The following MBP variants were observed in gnomAD, a reference collection of about 807,000 sequenced individuals.
MBP encodes the protein myelin basic protein, also known as Golli-MBP.
MBP carries 16 observed loss-of-function variants against 35.8 expected under a neutral mutation model. That is an observed-to-expected ratio of 0.45 (90% CI 0.30 to 0.68). The LOEUF (loss-of-function observed/expected upper bound fraction) is 0.68, where lower values mean the gene tolerates loss of function less well. Among genes scored for constraint, MBP ranks in the 30% least tolerant of loss-of-function variants. The probability of loss-of-function intolerance (pLI) is 0.08; values close to 1 mark genes in which losing one functional copy is unlikely to be tolerated. For synonymous variants in MBP, 143 were observed against 159.6 expected (o/e 0.90, Z 0.78); for missense variants, 380 against 404.7 (o/e 0.94, Z 0.52).
In MBP at chr18:77,116,676, C is replaced by T. The variant is rs535286479; in HGVS notation, c.-25-11390G>A. The stretch of plus-strand genomic sequence containing the variant: ...TAATGCGTGACCAGCCTGGCCAACA[C>T]GGCGAAACCCCGTCTCTGCTAAAAA... On this transcript the variant is annotated intron_variant, in intron 1 of 8. Transcript: ENST00000355994. Among the ~76,000 whole-genome samples the T allele has an allele frequency of 4.6e-5, 7 of 152,118 alleles. No homozygotes were observed. The South Asian group carries it at 6.2e-4, about 14-fold the overall frequency.
At chr18:77,054,019 G>A (rs1301747858) in intron 3 of MBP, among the ~76,000 whole-genome samples, 1 of 152,188 alleles carries the variant, frequency 6.6e-6, no homozygotes, top group Non-Finnish European at 1.5e-5. Flanking sequence ...GATGCTTCTG[G>A]CCATCAGAAC....
At chr18:77,003,762 T>G (rs1970760422) in intron 4 of MBP, 1 of 152,226 alleles carries the variant, frequency 6.6e-6, no homozygotes, top group Non-Finnish European at 1.5e-5. Context: ...CTTTTGTGGC[T>G]CACAGAGATC....
At chr18:77,077,798 A>C (rs1201216698) in intron 2 of MBP, among the ~76,000 whole-genome samples, 1 of 152,228 alleles carries the variant, frequency 6.6e-6, no homozygotes, top group South Asian at 2.1e-4. Context: ...CAAAACTAAC[A>C]ATTTTCTTTG....
intron 4 of MBP, chr18:77,016,524 G>A (rs1347629974): frequency 1.6e-6 from 2 of 1,231,134 alleles, no homozygotes. Context: ...TGAGAATGTG[G>A]CTCTCTTTCT....
chr18:77,119,841 G>T (rs1279746174), intron 1 of MBP, among the ~76,000 whole-genome samples: 1 of 152,204 alleles, frequency 6.6e-6, no homozygotes, highest in Non-Finnish European at 1.5e-5. Flanking sequence ...CAAGGTGGTC[G>T]TGGCTGTGGA....
chr18:77,000,195 T>C (rs1301945678), intron 4 of MBP, among the ~76,000 whole-genome samples: 1 of 152,210 alleles, frequency 6.6e-6, no homozygotes, highest in Non-Finnish European at 1.5e-5. Context: ...CATATGAAGA[T>C]ATCCCATGAA....
chr18:77,128,758 C>A (rs1023513039), intron 1 of MBP, among the ~76,000 whole-genome samples: 4 of 152,150 alleles, frequency 2.6e-5, no homozygotes, highest in Non-Finnish European at 4.4e-5. Flanking sequence ...CAGTGAATAT[C>A]CACTGTGTGT....
At chr18:76,985,941 G>A in intron 7 of MBP, 1 of 985,964 alleles carries the variant, frequency 1.0e-6, no homozygotes. Context: ...GTGACCGCAG[G>A]GGCTTCCTGA....
intron 3 of MBP, among the ~76,000 whole-genome samples, chr18:77,021,883 C>CT (rs896178394): frequency 6.6e-5 from 10 of 152,044 alleles, no homozygotes; most frequent in Non-Finnish European, 5.9e-5. Flanking sequence ...AGCGGGTGGC[C>CT]TTTTTTGAAT....
Position 77,020,749 on chromosome 18 carries a change from C to T in MBP, c.140-3481G>A, listed in dbSNP as rs1568296681. 1.3e-5 allele frequency among the ~76,000 whole-genome samples: 2 copies of T among 152,312 alleles called. No homozygotes were observed. The highest frequency in any genetic ancestry group is 1.9e-4 in the East Asian group (1 of 5,180). ...GACCATGTGGTGCTCACAGCTGTTC[C>T]GGCACAGCGAACCACCCTCCCGGTT... is the stretch of plus-strand genomic sequence containing the variant. On this transcript the variant is annotated intron_variant, in intron 3 of 8. Coordinates refer to ENST00000355994, the MANE Select transcript of MBP (RefSeq NM_001025101.2). This position sits in a 1 kb window ranked among gnomAD's most constrained non-coding sequence, Gnocchi z 4.1.
intron 3 of MBP, among the ~76,000 whole-genome samples, chr18:77,058,800 C>T (rs1206594303): frequency 6.6e-6 from 1 of 152,376 alleles, no homozygotes; most frequent in East Asian, 1.9e-4. Context: ...CCGACTGCAG[C>T]CTGGAGAAGG....
intron 2 of MBP, among the ~76,000 whole-genome samples, chr18:77,084,404 C>G (rs1277479865): frequency 1.0e-5 from 1 of 97,416 alleles, no homozygotes; most frequent in Non-Finnish European, 2.2e-5. Context: ...AAGACCATCA[C>G]AACACCGCCC....
intron 2 of MBP, among the ~76,000 whole-genome samples, chr18:77,098,168 CTTTTTTT>C (rs3214873): frequency 2.8e-5 from 3 of 108,528 alleles, no homozygotes; most frequent in East Asian, 6.4e-4. Flanking sequence ...CAAGGACTTC[CTTTTTTT>C]TTTTTTTTTT....
rs558036945 is a variant in MBP, at chr18:77,051,431, C to T, written c.139+14867G>A. Among the ~76,000 whole-genome samples the T allele has an allele frequency of 2.6e-5, 4 of 152,312 alleles. No individual in the cohort carries two copies. The East Asian group carries it at 5.8e-4, about 22-fold the overall frequency. ...TCGGCCTGGCTCACAGTGAATTAAC[C>T]GTTCAACAGTTAAGGAGAGACTGCC... is the stretch of plus-strand genomic sequence containing the variant. On this transcript the variant is annotated intron_variant, in intron 3 of 8. Coordinates refer to ENST00000355994, the MANE Select transcript of MBP (RefSeq NM_001025101.2).
At chr18:77,054,171 T>C (rs1439469203) in intron 3 of MBP, among the ~76,000 whole-genome samples, 1 of 152,250 alleles carries the variant, frequency 6.6e-6, no homozygotes, top group Non-Finnish European at 1.5e-5. Context: ...GCACACTGGA[T>C]GGAGAGCCGC....
intron 2 of MBP, among the ~76,000 whole-genome samples, chr18:77,098,828 A>ACGGGC (rs1975876816): frequency 6.6e-6 from 1 of 152,162 alleles, no homozygotes. Flanking sequence ...GCAGATTTAA[A>ACGGGC]CGGGCCGTTC....
chr18:77,018,275 C>G (rs1971758436), intron 3 of MBP, among the ~76,000 whole-genome samples: 2 of 145,968 alleles, frequency 1.4e-5, no homozygotes, highest in African/African-American at 5.1e-5. Flanking sequence ...CATCTATCCA[C>G]TCATCCATCC....
At chr18:76,994,911 T>C (rs1970188200) in intron 4 of MBP, among the ~76,000 whole-genome samples, 1 of 152,242 alleles carries the variant, frequency 6.6e-6, no homozygotes, top group Admixed American at 6.5e-5. Flanking sequence ...GAAGAGTGAC[T>C]GAACTAGGGC....
At position 76,990,016 on chromosome 18, in the gene MBP, G is replaced by A. The variant is rs774993106; in HGVS notation, c.621C>T (p.Pro207=). 6.2e-7 allele frequency: 1 copy of A among 1,613,096 alleles called. No individual in the cohort carries two copies. The highest frequency in any genetic ancestry group is 1.7e-5 in the Admixed American group (1 of 60,006). The change falls in exon 5 of 9, where the codon CCC becomes CCT. Residue 207 remains proline, a synonymous_variant. Transcript: ENST00000355994. ...PARTAHYGSL[P]QKSHGRTQDE... ...CTTGGGTCCGGCCGTGTGACTTCTGGGGCAGGGAGCCGTAGTGAGCAGTTC... is the reference window on the plus strand; with the variant it reads ...CTTGGGTCCGGCCGTGTGACTTCTGAGGCAGGGAGCCGTAGTGAGCAGTTC...
Sources: allele counts gnomAD v4.1 joint callset (sites outside exome capture counted in the v4.1 genomes callset), GRCh38; gene constraint gnomAD v4.1.1; non-coding constraint Gnocchi (gnomAD v3.1); transcripts MANE v1.5; gene names NCBI Gene and HGNC (gene_info 2026-07-23, HGNC 2026-07-21).